The following KHDRBS3 variants were observed in gnomAD, a reference collection of about 807,000 sequenced individuals.
KHDRBS3 encodes the protein KH domain-containing, RNA-binding, signal transduction-associated protein 3.
A neutral mutation model predicts 45.6 loss-of-function variants in KHDRBS3; 23 were observed. The observed-to-expected ratio is 0.50, with a 90% CI of 0.36 to 0.72. The LOEUF (loss-of-function observed/expected upper bound fraction) is 0.72, where lower values mean the gene tolerates loss of function less well. Ranked by LOEUF, KHDRBS3 falls within the 30% of genes least tolerant of loss-of-function variation. The pLI is 0.00. For missense variants in KHDRBS3, 352 were observed against 424.8 expected, an observed-to-expected ratio of 0.83 and a Z score of 1.51; for synonymous variants, 162 against 156.5, an observed-to-expected ratio of 1.04 and a Z score of -0.26.
chr8:135,485,842 T>TTTTATATATATA (rs908619744), intron 1 of KHDRBS3, among the ~76,000 whole-genome samples: 5 of 120,324 alleles, frequency 4.2e-5, no homozygotes, highest in South Asian at 2.5e-4. Flanking sequence ...CATTTCAAGT[T>TTTTATATATATA]TATATATATA....
chr8:135,458,146 A>AT, intron 1 of KHDRBS3, 192 bp downstream of exon 1: 1 of 1,352,692 alleles, frequency 7.4e-7, no homozygotes, highest in Admixed American at 3.5e-5. Flanking sequence ...CCTGATGTGA[A>AT]TTTTGGGGAC....
chr8:135,547,586 T>TC (rs766778719), intron 3 of KHDRBS3, among the ~76,000 whole-genome samples: 25 of 152,174 alleles, frequency 1.6e-4, no homozygotes, highest in Non-Finnish European at 1.3e-4. Context: ...TTGTAAGAGT[T>TC]CAAATTAGTC....
intron 7 of KHDRBS3, among the ~76,000 whole-genome samples, chr8:135,607,565 G>A (rs971051838): frequency 6.6e-6 from 1 of 152,150 alleles, no homozygotes; most frequent in African/African-American, 2.4e-5. Flanking sequence ...GTTACCAGAG[G>A]CAAAACAGAG....
intron 5 of KHDRBS3, among the ~76,000 whole-genome samples, chr8:135,580,397 T>C (rs1030447990): frequency 6.6e-6 from 1 of 152,200 alleles, no homozygotes; most frequent in African/African-American, 2.4e-5. Flanking sequence ...TTTTGGAAGA[T>C]CATTAACTAT....
At chr8:135,552,585 CAT>C (rs1440380545) in intron 4 of KHDRBS3, among the ~76,000 whole-genome samples, 1 of 152,106 alleles carries the variant, frequency 6.6e-6, no homozygotes, top group Non-Finnish European at 1.5e-5. Flanking sequence ...TTTTCGATAA[CAT>C]AGCAAACCTG....
intron 2 of KHDRBS3, among the ~76,000 whole-genome samples, chr8:135,532,481 G>A (rs1010422312): frequency 1.3e-5 from 2 of 152,156 alleles, no homozygotes; most frequent in Admixed American, 1.3e-4. Context: ...CTCCAAAGAG[G>A]AGTGCGTGCT....
chr8:135,581,952 T>G lies in KHDRBS3; in HGVS notation c.686T>G (p.Leu229Arg). 6.2e-7 allele frequency: 1 copy of G among 1,613,602 alleles called. No homozygotes were observed. Among genetic ancestry groups the G allele is most frequent in the Non-Finnish European group, 8.5e-7 (1 of 1,179,710 alleles). Reference protein sequence around the residue: ...PRGTPTPRGVLSTRGPVSRGR... With the variant: ...PRGTPTPRGVRSTRGPVSRGR... ...GGGACGCCAACTCCCAGAGGAGTCC[T>G]GTCCACCCGAGGGCCAGTGAGTCGG... The change falls in exon 6 of 9, where the codon CTG becomes CGG. Residue 229 changes from leucine (L) to arginine (R), a missense_variant. This residue lies in a region of KHDRBS3 where 212 missense variants were observed against 209.6 expected (regional missense o/e 1.01). Transcript: ENST00000355849.
At chr8:135,604,778 A>G (rs1829379400) in intron 6 of KHDRBS3, among the ~76,000 whole-genome samples, 1 of 151,928 alleles carries the variant, frequency 6.6e-6, no homozygotes, top group Non-Finnish European at 1.5e-5. Flanking sequence ...ACAAATAAAA[A>G]AAAAGCTTAT....
At chr8:135,647,757 G>T (rs1831351185), downstream of KHDRBS3, 1 of 152,104 alleles carries the variant, frequency 6.6e-6, no homozygotes, top group Non-Finnish European at 1.5e-5. Flanking sequence ...TTTAAAAATG[G>T]TATAAAATTA....
chr8:135,482,105 A>G (rs553713793), intron 1 of KHDRBS3, among the ~76,000 whole-genome samples: 3 of 152,310 alleles, frequency 2.0e-5, no homozygotes, highest in South Asian at 4.1e-4. Context: ...GCCAGAATAA[A>G]TGCTTTTCAG....
chr8:135,469,437 G>A (rs1348449186), intron 1 of KHDRBS3, among the ~76,000 whole-genome samples: 1 of 149,720 alleles, frequency 6.7e-6, no homozygotes, highest in African/African-American at 2.5e-5. Context: ...ACAGGCGCCC[G>A]CCACCACGCC....
At chr8:135,473,619 G>T (rs1822124336) in intron 1 of KHDRBS3, among the ~76,000 whole-genome samples, 1 of 152,140 alleles carries the variant, frequency 6.6e-6, no homozygotes, top group Non-Finnish European at 1.5e-5. Context: ...CTTTGGACAG[G>T]AGCAGGCTCA....
intron 1 of KHDRBS3, among the ~76,000 whole-genome samples, chr8:135,481,095 A>G (rs191655360): frequency 1.3e-5 from 2 of 151,766 alleles, no homozygotes; most frequent in Non-Finnish European, 2.9e-5. Flanking sequence ...ATCAGATTAG[A>G]TCTTCAAGAT....
intron 5 of KHDRBS3, among the ~76,000 whole-genome samples, chr8:135,564,235 A>C (rs1404161458): frequency 1.3e-5 from 2 of 152,138 alleles, no homozygotes; most frequent in Non-Finnish European, 2.9e-5. Flanking sequence ...CTGGTATTTT[A>C]CCAGATGCTG....
Position 135,536,987 on chromosome 8 carries a change from AAAAAAAAAAAGGAG to A in KHDRBS3, c.208-5665_208-5652del, listed in dbSNP as rs1563751817. 5.4e-5 allele frequency among the ~76,000 whole-genome samples: 3 copies of A among 55,538 alleles called. 1 individual carries two copies. The highest frequency in any genetic ancestry group is 4.4e-4 in the Admixed American group (2 of 4,594). The allele number at this position is 55,538 out of a possible 152,430, so 36.4% of individuals were successfully genotyped here. A position where few individuals can be genotyped will look rare whatever the true frequency, so the allele number is the denominator to read the frequency against. ...ATCTCAAAAAAAAAAAAAAAAAAAA[AAAAAAAAAAAGGAG>A]ATGTTTAGGAGGTAAAATCATTAAC... On this transcript the variant is annotated intron_variant, in intron 2 of 8. Transcript: ENST00000355849.
intron 2 of KHDRBS3, among the ~76,000 whole-genome samples, chr8:135,525,025 T>C (rs1825108973): frequency 6.6e-6 from 1 of 152,202 alleles, no homozygotes; most frequent in African/African-American, 2.4e-5. Flanking sequence ...AGATTTATTT[T>C]GCACTGGGAG....
intron 1 of KHDRBS3, among the ~76,000 whole-genome samples, chr8:135,468,420 G>C (rs1821808457): frequency 6.6e-6 from 1 of 152,184 alleles, no homozygotes; most frequent in South Asian, 2.1e-4. Flanking sequence ...CTGGGAAGTA[G>C]ATACCTATCT....
At chr8:135,488,600 A>C (rs1822984268) in intron 1 of KHDRBS3, among the ~76,000 whole-genome samples, 1 of 152,206 alleles carries the variant, frequency 6.6e-6, no homozygotes, top group Non-Finnish European at 1.5e-5. Flanking sequence ...CCTTTTGAAA[A>C]ATTATGTCAT....
intron 1 of KHDRBS3, among the ~76,000 whole-genome samples, chr8:135,511,012 T>C (rs1824255572): frequency 1.3e-5 from 2 of 152,244 alleles, no homozygotes; most frequent in South Asian, 2.1e-4. Flanking sequence ...AGCACTTTCA[T>C]AGGCATTTCT....
Sources: allele counts gnomAD v4.1 joint callset (sites outside exome capture counted in the v4.1 genomes callset), GRCh38; gene constraint gnomAD v4.1.1; regional missense constraint gnomAD v4.1.1; transcripts MANE v1.5; gene names NCBI Gene and HGNC (gene_info 2026-07-23, HGNC 2026-07-21).